SORCS1: variants seen among roughly 807,000 people sequenced by gnomAD.
SORCS1 encodes the protein VPS10 domain-containing receptor SorCS1.
SORCS1 carries 60 observed loss-of-function variants against 146.1 expected under a neutral mutation model. The ratio of observed to expected loss-of-function variants is 0.41; its 90% CI spans 0.33 to 0.51. The LOEUF (loss-of-function observed/expected upper bound fraction) is 0.51, where lower values mean the gene tolerates loss of function less well. Among genes scored for constraint, SORCS1 ranks in the 20% least tolerant of loss-of-function variants. The probability of loss-of-function intolerance (pLI) is 0.21; values close to 1 mark genes in which losing one functional copy is unlikely to be tolerated. For missense variants in SORCS1, 1,352 were observed against 1,487.6 expected (o/e 0.91, Z 1.50); for synonymous variants, 637 against 584.0 (o/e 1.09, Z -1.31).
chr10:106,667,022 A>G (rs918260960), intron 17 of SORCS1: 1 of 152,228 alleles, frequency 6.6e-6, no homozygotes, highest in African/African-American at 2.4e-5. Context: ...TCAGAATTTA[A>G]ATAGGTTCTA....
intron 1 of SORCS1, among the ~76,000 whole-genome samples, chr10:107,064,668 C>T (rs2080117748): frequency 6.6e-6 from 1 of 152,160 alleles, no homozygotes; most frequent in South Asian, 2.1e-4. Context: ...TTTCCTTCTC[C>T]TCTCTTGCAG....
At chr10:107,116,004 A>G (rs1445466295) in intron 1 of SORCS1, among the ~76,000 whole-genome samples, 1 of 152,116 alleles carries the variant, frequency 6.6e-6, no homozygotes, top group Non-Finnish European at 1.5e-5. Context: ...TTCTTTGAAA[A>G]ATATGAATAG....
chr10:106,882,449 G>A (rs1393872116), intron 2 of SORCS1, among the ~76,000 whole-genome samples: 3 of 152,094 alleles, frequency 2.0e-5, no homozygotes, highest in African/African-American at 7.2e-5. Flanking sequence ...TGGCTTTGTG[G>A]GTCATAGAGT....
intron 23 of SORCS1, among the ~76,000 whole-genome samples, chr10:106,597,671 A>G (rs750845644): frequency 6.6e-6 from 1 of 152,198 alleles, no homozygotes; most frequent in Non-Finnish European, 1.5e-5. Context: ...AATAGAAGAA[A>G]CTATTAGTGA....
intron 1 of SORCS1, among the ~76,000 whole-genome samples, chr10:107,071,551 T>C (rs17122035): frequency 0.1 from 15,855 of 152,202 alleles, 2,431 homozygotes; most frequent in African/African-American, 0.34. Context: ...GTTGTTCTGA[T>C]GAAAAATGTG....
chr10:107,028,952 C>G (rs1429500497), intron 1 of SORCS1, among the ~76,000 whole-genome samples: 1 of 152,192 alleles, frequency 6.6e-6, no homozygotes, highest in Non-Finnish European at 1.5e-5. Flanking sequence ...TCTCTCGGGT[C>G]TTTTGGCTCA....
chr10:107,071,079 G>A (rs183064927), intron 1 of SORCS1, among the ~76,000 whole-genome samples: 3 of 152,252 alleles, frequency 2.0e-5, no homozygotes, highest in East Asian at 1.9e-4. Flanking sequence ...CTGGGCACAC[G>A]ACAGTGACCG....
intron 1 of SORCS1, among the ~76,000 whole-genome samples, chr10:107,090,921 C>T (rs1376844749): frequency 1.3e-5 from 1 of 76,764 alleles, no homozygotes; most frequent in African/African-American, 5.3e-5. Context: ...TTCTAAAGTA[C>T]ACACACACAC....
At chr10:106,738,128 A>T (rs770933969) in intron 5 of SORCS1, among the ~76,000 whole-genome samples, 90 of 152,336 alleles carry the variant, frequency 5.9e-4, no homozygotes, top group Non-Finnish European at 1.0e-3. Flanking sequence ...AAAACTGGAG[A>T]TACACATTAA....
In SORCS1 at chr10:106,889,888, T is replaced by TAAAAAAAAAAAAA. The variant is rs772421907; in HGVS notation, c.627-60228_627-60216dup. On this transcript the variant is annotated intron_variant, in intron 2 of 25. Transcript: ENST00000263054. ...TGACAGAGTGAGACTACGTCTCAAATAAAAAAAAAAAAAAAAAAAAAAAGC... is the reference window on the plus strand; with the variant it reads ...TGACAGAGTGAGACTACGTCTCAAATAAAAAAAAAAAAAAAAAAAAAAAAAAAAAAAAAAAAGC... 2.3e-3 allele frequency among the ~76,000 whole-genome samples: 164 copies of TAAAAAAAAAAAAA among 71,664 alleles called. 15 individuals carry two copies. The highest frequency in any genetic ancestry group is 7.9e-3 in the African/African-American group (153 of 19,414). The allele number at this position is 71,664 out of a possible 152,430, so 47.0% of individuals were successfully genotyped here.
intron 2 of SORCS1, among the ~76,000 whole-genome samples, chr10:106,850,395 C>CT (rs60158748): frequency 0.021 from 3,160 of 152,222 alleles, 102 homozygotes; most frequent in African/African-American, 0.071. Context: ...AGGGAACTCC[C>CT]TGACCCCTTG....
intron 18 of SORCS1, among the ~76,000 whole-genome samples, chr10:106,645,702 C>G (rs1187269851): frequency 6.6e-6 from 1 of 150,862 alleles, no homozygotes; most frequent in African/African-American, 2.4e-5. Flanking sequence ...AATTATGATT[C>G]CCTCATTAAA....
intron 5 of SORCS1, among the ~76,000 whole-genome samples, chr10:106,757,598 A>C (rs1327857353): frequency 6.6e-6 from 1 of 152,184 alleles, no homozygotes; most frequent in Non-Finnish European, 1.5e-5. Context: ...GTACTATGCA[A>C]TTTACGAGTT....
chr10:106,597,322 A>T (rs1281543341), intron 24 of SORCS1, 29 bp downstream of exon 24: 2 of 1,597,186 alleles, frequency 1.3e-6, no homozygotes, highest in Non-Finnish European at 1.7e-6. Context: ...CAGAGCCACC[A>T]GCCAGAACCC....
At chr10:106,664,057 C>T (rs1359634450) in intron 17 of SORCS1, among the ~76,000 whole-genome samples, 3 of 152,252 alleles carry the variant, frequency 2.0e-5, no homozygotes, top group East Asian at 1.9e-4. Flanking sequence ...AACCAGTGGA[C>T]GTGGCAACTT....
chr10:107,078,265 T>G (rs7910141), intron 1 of SORCS1, among the ~76,000 whole-genome samples: 5,621 of 152,228 alleles, frequency 0.037, 328 homozygotes, highest in African/African-American at 0.12. Flanking sequence ...TAAAAGGAGG[T>G]TCCATGCTGG....
chr10:107,124,200 C>T (rs1192283715), intron 1 of SORCS1, among the ~76,000 whole-genome samples: 1 of 151,948 alleles, frequency 6.6e-6, no homozygotes, highest in Non-Finnish European at 1.5e-5. Context: ...AGTGTGTTTA[C>T]AGGTATGTGT....
rs543175332 is a variant in SORCS1, at chr10:106,789,791, T to C, written c.727-13099A>G. 2.0e-5 allele frequency among the ~76,000 whole-genome samples: 3 copies of C among 152,350 alleles called. No individual in the cohort carries two copies. In the South Asian group the frequency reaches 6.2e-4, roughly 32 times the overall value. ...CACTCTCTGCAGTACCAATTCACTGTATTAGTCTGTTCTCACACTGCTCTA... is the reference window on the plus strand; with the variant it reads ...CACTCTCTGCAGTACCAATTCACTGCATTAGTCTGTTCTCACACTGCTCTA... On this transcript the variant is annotated intron_variant, in intron 3 of 25. Coordinates refer to ENST00000263054, the MANE Select transcript of SORCS1 (RefSeq NM_052918.5).
At chr10:106,612,098 A>T (rs1014771811) in intron 21 of SORCS1, 75 bp from the exon 22 acceptor site, 5 of 1,186,632 alleles carry the variant, frequency 4.2e-6, no homozygotes, top group Non-Finnish European at 6.1e-6. Context: ...TTTATATTTT[A>T]TACAAAATGG....
Sources: gnomAD v4.1 joint callset for allele counts (sites outside exome capture counted in the v4.1 genomes callset) on GRCh38, gnomAD v4.1.1 for gene constraint, MANE v1.5 for transcripts, NCBI Gene and HGNC (gene_info 2026-07-23, HGNC 2026-07-21) for gene names.